Variants in MAPT observed in about 807,000 individuals in gnomAD.
MAPT encodes the protein microtubule associated protein tau, also known as microtubule-associated protein tau.
Under a neutral mutation model 67.9 loss-of-function variants are expected in MAPT, and 34 were observed. The ratio of observed to expected loss-of-function variants is 0.50; its 90% CI spans 0.38 to 0.67. The LOEUF is 0.67. MAPT is among the 30% of genes least tolerant of loss of function. The pLI, the probability that MAPT is intolerant of heterozygous loss-of-function variation, is 0.00. For missense variants in MAPT, 881 were observed against 1,115.2 expected (o/e 0.79, Z 2.99); for synonymous variants, 456 against 464.5 (o/e 0.98, Z 0.23).
At chr17:45,938,067 C>A (rs2067513882) in intron 1 of MAPT, among the ~76,000 whole-genome samples, 1 of 152,212 alleles carries the variant, frequency 6.6e-6, no homozygotes, top group Non-Finnish European at 1.5e-5. Flanking sequence ...CATTAAAGTA[C>A]TAGTCCACAT....
At chr17:46,000,692 G>C (rs1228037152) in intron 9 of MAPT, among the ~76,000 whole-genome samples, 1 of 152,176 alleles carries the variant, frequency 6.6e-6, no homozygotes, top group African/African-American at 2.4e-5. Context: ...TCTTACTGCT[G>C]ACACCTACCC....
chr17:45,940,177 A>G (rs1325445683), intron 1 of MAPT, among the ~76,000 whole-genome samples: 1 of 152,242 alleles, frequency 6.6e-6, no homozygotes, highest in African/African-American at 2.4e-5. Flanking sequence ...TTGACCTGCA[A>G]TATCAAATGC....
intron 1 of MAPT, among the ~76,000 whole-genome samples, chr17:45,943,180 A>G (rs1383862640): frequency 6.6e-6 from 1 of 152,136 alleles, no homozygotes; most frequent in Non-Finnish European, 1.5e-5. Flanking sequence ...CAGCCTCCCA[A>G]GTAGCTGGGA....
rs373185289 is a variant in MAPT, at chr17:45,988,046, C to T, written c.1407+951C>T. Among the ~76,000 whole-genome samples, 11 of 152,206 alleles carry T rather than the reference C, an allele frequency of 7.2e-5. No homozygotes were observed. In the East Asian group the frequency reaches 1.3e-3, roughly 19 times the overall value. On this transcript the variant is annotated intron_variant, in intron 6 of 12. Coordinates refer to ENST00000262410, the MANE Select transcript of MAPT (RefSeq NM_001377265.1). Reference sequence around the variant, plus strand: ...AGGGGAAAGATCTATTACCCTGGGCCTCGGCCAGCTGGGGAGTGCTGCTGG... The same window carrying T: ...AGGGGAAAGATCTATTACCCTGGGCTTCGGCCAGCTGGGGAGTGCTGCTGG...
intron 1 of MAPT, among the ~76,000 whole-genome samples, chr17:45,941,698 CCTGCCTGCCTTCCTTCCTTCCT>C (rs1568207911): frequency 3.8e-4 from 22 of 57,802 alleles, no homozygotes; most frequent in South Asian, 7.4e-4. Flanking sequence ...TTCCTTCCTT[CCTGCCTGCCTTCCTTCCTTCCT>C]TCCTTCCTTC....
In MAPT at chr17:45,983,420, G is replaced by T. The variant is rs1321460540; in HGVS notation, c.841G>T (p.Ala281Ser). Residue 281 changes from alanine (A) to serine (S), a missense_variant, in exon 5 of 13, where the codon GCA becomes TCA. Coordinates refer to ENST00000262410, the MANE Select transcript of MAPT (RefSeq NM_001377265.1). ...CCAGGAGGGGCCGCCGCTGAAGGGG[G>T]CAGGGGGCAAAGAGAGGCCGGGGAG... ...LHQEGPPLKGAGGKERPGSKE... is the reference protein window; with the variant it reads ...LHQEGPPLKGSGGKERPGSKE... The T allele has an allele frequency of 6.2e-7, 1 of 1,607,770 alleles. No homozygotes were observed. Among genetic ancestry groups the T allele is most frequent in the Non-Finnish European group, 8.5e-7 (1 of 1,176,488 alleles).
chr17:45,904,375 T>TTTATATATA (rs1362962877), intron 1 of MAPT, among the ~76,000 whole-genome samples: 4 of 105,196 alleles, frequency 3.8e-5, no homozygotes, highest in Non-Finnish European at 7.4e-5. Flanking sequence ...TTAAATATAT[T>TTTATATATA]TTATATATAT....
rs745350248 is a variant in MAPT at position 45,983,734 on chromosome 17, C to T, written c.1155C>T (p.Asn385=). 12 of 1,614,180 alleles carry T rather than the reference C, an allele frequency of 7.4e-6. No individual in the cohort carries two copies. Among genetic ancestry groups the T allele is most frequent in the South Asian group, 3.3e-5 (3 of 91,092 alleles). ...EFTFHVEITP[N]VQKEQAHSEE... ...CGTTTCACGTGGAAATCACACCCAA[C>T]GTGCAGAAGGAGCAGGCGCACTCGG... Residue 385 remains asparagine (N), a synonymous_variant, in exon 5 of 13, where the codon AAC becomes AAT. Transcript: ENST00000262410.
intron 2 of MAPT, among the ~76,000 whole-genome samples, chr17:45,970,853 T>G (rs1260407658): frequency 6.6e-6 from 1 of 152,212 alleles, no homozygotes; most frequent in Non-Finnish European, 1.5e-5. Context: ...CCCTGGAGTC[T>G]TTTGCTCTGT....
intron 1 of MAPT, among the ~76,000 whole-genome samples, chr17:45,947,614 C>T (rs898109820): frequency 3.3e-5 from 5 of 151,982 alleles, no homozygotes; most frequent in Non-Finnish European, 7.4e-5. Flanking sequence ...TCTCGAACTC[C>T]TGACCTCAGA....
intron 1 of MAPT, among the ~76,000 whole-genome samples, chr17:45,951,676 T>C (rs1321252938): frequency 6.6e-6 from 1 of 152,120 alleles, no homozygotes; most frequent in African/African-American, 2.4e-5. Context: ...GTGACTCAGC[T>C]AGCCCCTTCC....
chr17:46,012,567 G>A (rs1309978769), intron 10 of MAPT, among the ~76,000 whole-genome samples: 1 of 152,068 alleles, frequency 6.6e-6, no homozygotes, highest in African/African-American at 2.4e-5. Context: ...CAGCCTGGGG[G>A]CCCCTTCCCA....
At chr17:45,999,408 C>T in intron 9 of MAPT, 1 of 1,614,054 alleles carries the variant, frequency 6.2e-7, no homozygotes, top group Middle Eastern at 1.6e-4. Context: ...TTCAGGTTGC[C>T]AGAGACAGAA....
intron 3 of MAPT, chr17:45,973,919 C>T (rs1239113558): frequency 5.5e-6 from 1 of 180,364 alleles, no homozygotes; most frequent in African/African-American, 2.4e-5. Flanking sequence ...CTAGAGATGA[C>T]ACTGCCATTT....
At chr17:45,930,780 A>C (rs1435082576) in intron 1 of MAPT, among the ~76,000 whole-genome samples, 1 of 151,940 alleles carries the variant, frequency 6.6e-6, no homozygotes, top group Non-Finnish European at 1.5e-5. Flanking sequence ...GCCTGAGCTC[A>C]CTCCCAGTTC....
rs2076870581 is a variant in MAPT, at chr17:46,027,654, G to T, written c.*3483G>T. 6.6e-6 allele frequency: 1 copy of T among 152,248 alleles called. No individual in the cohort carries two copies. The highest frequency in any genetic ancestry group is 2.1e-4 in the South Asian group (1 of 4,832). 9.4% of individuals were successfully genotyped at this position (152,248 alleles called of 1,614,324 possible). A position where few individuals can be genotyped will look rare whatever the true frequency, so the allele number is the denominator to read the frequency against. On this transcript the variant is annotated 3_prime_UTR_variant, in exon 13 of 13. Transcript: ENST00000262410. ...CATGATTTCAACCACATTTGCTAGA[G>T]GGAGGGAGCAGCCACGGAGTTAGAG...
At chr17:45,999,614 C>T (rs62063858) in intron 9 of MAPT, 3 of 1,612,210 alleles carry the variant, frequency 1.9e-6, no homozygotes, top group Non-Finnish European at 2.5e-6. Flanking sequence ...CCTGCAGCTG[C>T]CCTGCCTCTG....
intron 8 of MAPT, among the ~76,000 whole-genome samples, chr17:45,994,634 G>A (rs1473576023): frequency 6.6e-6 from 1 of 152,114 alleles, no homozygotes; most frequent in Non-Finnish European, 1.5e-5. Flanking sequence ...ACCAGCCTGA[G>A]CAACATAGTC....
In MAPT at chr17:45,996,546, C is replaced by T. The variant is rs1281899152; in HGVS notation, c.1880C>T (p.Ser627Leu). The stretch of plus-strand genomic sequence containing the variant: ...GCAGTGGTCCGTACTCCACCCAAGT[C>T]GCCGTCTTCCGCCAAGAGCCGCCTG... ...KVAVVRTPPK[S>L]PSSAKSRLQT... Residue 627 changes from serine (S) to leucine (L), a missense_variant, in exon 9 of 13, where the codon TCG becomes TTG. Transcript: ENST00000262410. The surrounding 1 kb of genome is among the most constrained non-coding windows in gnomAD (Gnocchi z 4.5). The T allele has an allele frequency of 1.9e-6, 3 of 1,613,274 alleles. No homozygotes were observed. The highest frequency in any genetic ancestry group is 1.1e-5 in the South Asian group (1 of 91,010).
Sources: gnomAD v4.1 joint callset for allele counts (sites outside exome capture counted in the v4.1 genomes callset) on GRCh38, gnomAD v4.1.1 for gene constraint, Gnocchi (gnomAD v3.1) non-coding constraint, MANE v1.5 for transcripts, NCBI Gene and HGNC (gene_info 2026-07-23, HGNC 2026-07-21) for gene names.